The following MCTP2 variants were observed in gnomAD, a reference collection of about 807,000 sequenced individuals.
MCTP2 encodes multiple C2 and transmembrane domain-containing protein 2.
A neutral mutation model predicts 111.6 loss-of-function variants in MCTP2; 132 were observed. That is an observed-to-expected ratio of 1.18 (90% confidence interval 1.03 to 1.37). MCTP2 has a LOEUF of 1.37. MCTP2 is among the 40% of genes most tolerant of loss of function. The probability of loss-of-function intolerance (pLI) is 0.00; values close to 1 mark genes in which losing one functional copy is unlikely to be tolerated. For synonymous variants in MCTP2, 395 were observed against 387.7 expected, an observed-to-expected ratio of 1.02 and a Z score of -0.22; for missense variants, 1,183 against 1,067.9, an observed-to-expected ratio of 1.11 and a Z score of -1.50.
chr15:94,400,542 C>T (rs563376773), intron 16 of MCTP2, among the ~76,000 whole-genome samples: 95 of 151,990 alleles, frequency 6.3e-4, no homozygotes, highest in Admixed American at 1.6e-3. Flanking sequence ...TTGCCCTTAA[C>T]TCCTTTCTCA....
rs573343902 is a variant in MCTP2 at position 94,405,184 on chromosome 15, G to A, written c.2085+3165G>A. 2.0e-4 allele frequency among the ~76,000 whole-genome samples: 30 copies of A among 152,328 alleles called. No homozygotes were observed. The South Asian group carries it at 6.2e-3, about 32-fold the overall frequency. ...TGGTGGGGCTTTTCTTCTTGTGACAGTACAGGAAGTGATGCTAACACAACA... is the reference window on the plus strand; with the variant it reads ...TGGTGGGGCTTTTCTTCTTGTGACAATACAGGAAGTGATGCTAACACAACA... On this transcript the variant is annotated intron_variant, in intron 17 of 22. Coordinates refer to ENST00000357742, the MANE Select transcript of MCTP2 (RefSeq NM_001385001.1).
At chr15:94,473,029 G>A (rs573554893) in intron 21 of MCTP2, among the ~76,000 whole-genome samples, 1 of 151,658 alleles carries the variant, frequency 6.6e-6, no homozygotes, top group Admixed American at 6.6e-5. Context: ...TGCTAAAATG[G>A]TGAATAATAT....
intron 17 of MCTP2, among the ~76,000 whole-genome samples, chr15:94,411,346 T>G (rs2082143136): frequency 6.6e-6 from 1 of 152,134 alleles, no homozygotes; most frequent in Admixed American, 6.5e-5. Flanking sequence ...AGCTGTCATT[T>G]TTATTAGTCT....
chr15:94,440,221 T>A lies in MCTP2; in HGVS notation c.2131T>A (p.Leu711Met), dbSNP rs2083701747. The change falls in exon 18 of 23, where the codon TTG becomes ATG. Residue 711 changes from leucine to methionine, a missense_variant. Physicochemically the swap from Leu to Met is conservative, Grantham distance 15. Transcript: ENST00000357742. ...VWNFELYMIP[L>M]ALLLIFVYNF... ...GAATTTTGAACTATATATGATCCCC[T>A]TGGCATTGTTGCTGATCTTTGTCTA... is the stretch of plus-strand genomic sequence containing the variant. The A allele has an allele frequency of 1.2e-6, 2 of 1,614,064 alleles. No homozygotes were observed. Among genetic ancestry groups the A allele is most frequent in the East Asian group, 4.5e-5 (2 of 44,874 alleles).
chr15:94,254,932 A>T (rs1455763), intron 1 of MCTP2, among the ~76,000 whole-genome samples: 3 of 151,900 alleles, frequency 2.0e-5, no homozygotes, highest in South Asian at 2.1e-4. Flanking sequence ...TGAAGTTTTC[A>T]GATGTGTTTC....
chr15:94,478,596 C>G (rs533543060), intron 22 of MCTP2, among the ~76,000 whole-genome samples: 1 of 152,136 alleles, frequency 6.6e-6, no homozygotes, highest in Non-Finnish European at 1.5e-5. Context: ...TATTTTTAAA[C>G]GAATAATCCT....
chr15:94,337,187 C>A (rs755239169), intron 4 of MCTP2, among the ~76,000 whole-genome samples: 5 of 152,216 alleles, frequency 3.3e-5, no homozygotes, highest in Non-Finnish European at 7.4e-5. Context: ...ACAATTAACG[C>A]GGCACTAACT....
At chr15:94,379,122 A>G (rs540019301) in intron 12 of MCTP2, among the ~76,000 whole-genome samples, 3 of 151,432 alleles carry the variant, frequency 2.0e-5, no homozygotes, top group Non-Finnish European at 4.4e-5. Context: ...TTGGAAGGGC[A>G]CAGAGGGACA....
At chr15:94,298,770 C>G (rs774669774) in intron 2 of MCTP2, 40 bp downstream of exon 2, 1 of 1,335,974 alleles carries the variant, frequency 7.5e-7, no homozygotes, top group Non-Finnish European at 1.0e-6. Context: ...TTGTCTCTCT[C>G]TCTCTCTCTC....
At position 94,394,468 on chromosome 15, in the gene MCTP2, G is replaced by T. The variant is rs371524061; in HGVS notation, c.1789-4493G>T. On this transcript the variant is annotated intron_variant, in intron 14 of 22. Transcript: ENST00000357742. The stretch of plus-strand genomic sequence containing the variant: ...TTCATATGAGTGTTTGTTTAAAAAT[G>T]TTACATTAACATTGTGACTGGGTGC... Among the ~76,000 whole-genome samples the T allele has an allele frequency of 9.3e-4, 142 of 152,212 alleles. 1 individual carries two copies. In the South Asian group the frequency reaches 0.028, roughly 30 times the overall value.
intron 17 of MCTP2, among the ~76,000 whole-genome samples, chr15:94,437,395 G>T (rs1191380615): frequency 6.6e-6 from 1 of 151,840 alleles, no homozygotes; most frequent in Admixed American, 6.6e-5. Flanking sequence ...ACAATTAAAT[G>T]ATAAACCTTA....
chr15:94,385,537 T>A lies in MCTP2; in HGVS notation c.1788+12T>A, dbSNP rs1367949974. The A allele has an allele frequency of 1.9e-6, 3 of 1,561,650 alleles. No homozygotes were observed. The highest frequency in any genetic ancestry group is 1.4e-5 in the African/African-American group (1 of 73,836). ...TTCCCTTGCTGTCCGTAAGTTTCCT[T>A]TATTAATAAACAATTTGTGAGTCAT... On this transcript the variant is annotated intron_variant, in intron 14 of 22. Transcript: ENST00000357742.
At chr15:94,394,853 A>G (rs1041514277) in intron 14 of MCTP2, among the ~76,000 whole-genome samples, 2 of 152,214 alleles carry the variant, frequency 1.3e-5, no homozygotes, top group African/African-American at 4.8e-5. Context: ...GAATGAATAT[A>G]TATTGCTTTT....
chr15:94,245,361 T>C (rs1331022756), intron 1 of MCTP2, among the ~76,000 whole-genome samples: 1 of 137,718 alleles, frequency 7.3e-6, no homozygotes, highest in African/African-American at 2.7e-5. Flanking sequence ...CATATGTATA[T>C]ATATTTACAT....
At chr15:94,307,110 G>C (rs1006786665) in intron 2 of MCTP2, among the ~76,000 whole-genome samples, 1 of 152,110 alleles carries the variant, frequency 6.6e-6, no homozygotes, top group East Asian at 1.9e-4. Context: ...CCTGTTGAAC[G>C]CCTGCTTTGT....
chr15:94,405,102 A>G lies in MCTP2; in HGVS notation c.2085+3083A>G, dbSNP rs374829195. ...CCTCTAATTGAAATTAGCGAATGTG[A>G]TAGTTGAGGGTTTGCTACACAGGTG... On this transcript the variant is annotated intron_variant, in intron 17 of 22. Transcript: ENST00000357742. Among the ~76,000 whole-genome samples the G allele has an allele frequency of 9.4e-4, 143 of 152,306 alleles. 1 individual carries two copies. The South Asian group carries it at 0.029, about 31-fold the overall frequency.
intron 20 of MCTP2, among the ~76,000 whole-genome samples, chr15:94,463,440 T>TTTGA (rs1256825251): frequency 2.0e-5 from 3 of 152,148 alleles, no homozygotes; most frequent in African/African-American, 7.2e-5. Context: ...ATTTTTCTGC[T>TTTGA]TTGATTTGTT....
At chr15:94,393,994 G>A (rs2081136970) in intron 14 of MCTP2, among the ~76,000 whole-genome samples, 1 of 137,032 alleles carries the variant, frequency 7.3e-6, no homozygotes, top group South Asian at 2.3e-4. Context: ...AGGTTGTGGT[G>A]AGCCAAGACT....
rs1002926140 is a variant in MCTP2, at chr15:94,470,576, G to A, written c.2470+134G>A. The A allele has an allele frequency of 1.3e-5, 9 of 718,144 alleles. No homozygotes were observed. In the African/African-American group the frequency reaches 1.6e-4, roughly 13 times the overall value. 44.5% of individuals were successfully genotyped at this position (718,144 alleles called of 1,614,324 possible). On this transcript the variant is annotated intron_variant, in intron 21 of 22. Transcript: ENST00000357742. Reference sequence around the variant, plus strand: ...CATGAGATTAAGGAAAGCATTTGGGGAACAAAAACTTCCAGGACCTCCCTG... The same window carrying A: ...CATGAGATTAAGGAAAGCATTTGGGAAACAAAAACTTCCAGGACCTCCCTG...
Sources: gnomAD v4.1 joint callset for allele counts (sites outside exome capture counted in the v4.1 genomes callset) on GRCh38, gnomAD v4.1.1 for gene constraint, MANE v1.5 for transcripts, NCBI Gene and HGNC (gene_info 2026-07-23, HGNC 2026-07-21) for gene names.